PCDHGA1: variants seen among roughly 807,000 people sequenced by gnomAD.
PCDHGA1 encodes the protein protocadherin gamma subfamily A, 1.
In PCDHGA1, 32 loss-of-function variants were observed where a neutral mutation model predicts 58.0. That is an observed-to-expected ratio of 0.55 (90% CI 0.42 to 0.74). PCDHGA1 has a LOEUF of 0.74. Among genes scored for constraint, PCDHGA1 ranks in the 30% least tolerant of loss-of-function variants. The pLI is 0.00. For missense variants in PCDHGA1, 1,205 were observed against 1,182.3 expected (o/e 1.02, Z -0.28); for synonymous variants, 498 against 501.1 (o/e 0.99, Z 0.08).
At chr5:141,410,544 G>A (rs1370251538) in intron 1 of PCDHGA1, 3 of 1,613,640 alleles carry the variant, frequency 1.9e-6, no homozygotes, top group Non-Finnish European at 2.5e-6. Flanking sequence ...GACATGGTTT[G>A]CAGTGTTTCT....
intron 1 of PCDHGA1, among the ~76,000 whole-genome samples, chr5:141,380,132 T>A (rs552082658): frequency 4.4e-4 from 67 of 152,174 alleles, no homozygotes; most frequent in African/African-American, 1.6e-3. Context: ...ACTCCTGACC[T>A]TAAGTGATCC....
chr5:141,472,770 G>C (rs953423129), intron 1 of PCDHGA1, among the ~76,000 whole-genome samples: 5 of 152,046 alleles, frequency 3.3e-5, no homozygotes, highest in Admixed American at 6.6e-5. Flanking sequence ...CAGATCACCT[G>C]AGGTTGGGAG....
At chr5:141,505,536 C>T (rs749205049) in intron 3 of PCDHGA1, 55 bp downstream of exon 3, 9 of 1,610,164 alleles carry the variant, frequency 5.6e-6, no homozygotes, top group Non-Finnish European at 7.6e-6. Context: ...TTCTGGGGTG[C>T]ATCTCACAGC....
chr5:141,431,190 A>G lies in PCDHGA1; in HGVS notation c.2422-63617A>G, dbSNP rs1363655439. 1 of 1,614,228 alleles carries G rather than the reference A, an allele frequency of 6.2e-7. No homozygotes were observed. Among genetic ancestry groups the G allele is most frequent in the Non-Finnish European group, 8.5e-7 (1 of 1,180,038 alleles). ...AGTGAATTAGAAATAAAAATTAGTGAAAATGCAGCCACTGAGATGCGGTTC... is the reference window on the plus strand; with the variant it reads ...AGTGAATTAGAAATAAAAATTAGTGGAAATGCAGCCACTGAGATGCGGTTC... On this transcript the variant is annotated intron_variant, in intron 1 of 3. Transcript: ENST00000517417. This position sits in a 1 kb window ranked among gnomAD's most constrained non-coding sequence, Gnocchi z 4.8.
intron 1 of PCDHGA1, chr5:141,355,783 G>A (rs1177303699): frequency 1.2e-6 from 2 of 1,613,802 alleles, no homozygotes; most frequent in Non-Finnish European, 1.7e-6. Flanking sequence ...CCCAGAGCTG[G>A]TGCTGGAACG....
chr5:141,413,739 C>A (rs748041372), intron 1 of PCDHGA1: 1 of 1,613,424 alleles, frequency 6.2e-7, no homozygotes, highest in South Asian at 1.1e-5. Context: ...GAGTTCAGAG[C>A]CGTGCCAATG....
At chr5:141,365,711 G>A (rs750945400) in intron 1 of PCDHGA1, 34 of 1,613,386 alleles carry the variant, frequency 2.1e-5, no homozygotes, top group Non-Finnish European at 3.4e-6. Context: ...CTCCACCTCT[G>A]TCACAGAAAA....
chr5:141,369,505 GA>G (rs1379316544), intron 1 of PCDHGA1, among the ~76,000 whole-genome samples: 2 of 150,654 alleles, frequency 1.3e-5, no homozygotes, highest in Non-Finnish European at 1.5e-5. Flanking sequence ...CACCTCTATA[GA>G]AAAAAAAAGT....
At position 141,406,249 on chromosome 5, in the gene PCDHGA1, G is replaced by A. The variant is rs73279090; in HGVS notation, c.2421+73144G>A. Among the ~76,000 whole-genome samples, 1,262 of 152,022 alleles carry A rather than the reference G, an allele frequency of 8.3e-3. 17 individuals are homozygous for A. The highest frequency in any genetic ancestry group is 0.029 in the African/African-American group (1,198 of 41,452). On this transcript the variant is annotated intron_variant, in intron 1 of 3. Coordinates refer to ENST00000517417, the MANE Select transcript of PCDHGA1 (RefSeq NM_018912.3). ...CTAGCAAGCTATGTTGCCCAGACTG[G>A]TCTCAAACGATCTTCCTGCTTCAGT...
rs367914755 is a variant in PCDHGA1 at position 141,399,963 on chromosome 5, C to T, written c.2421+66858C>T. ...TGCTGCAGGCTAGCGAGCCCGGGCT[C>T]TTCAGCCTGGGGCTGCGCACAGGAG... On this transcript the variant is annotated intron_variant, in intron 1 of 3. Transcript: ENST00000517417. 793 of 1,612,310 alleles carry T rather than the reference C, an allele frequency of 4.9e-4. 4 individuals are homozygous for T. Among genetic ancestry groups the T allele is most frequent in the Non-Finnish European group, 3.8e-4 (443 of 1,179,704 alleles).
intron 1 of PCDHGA1, chr5:141,371,815 T>C (rs966835739): frequency 1.2e-6 from 2 of 1,613,738 alleles, no homozygotes; most frequent in Non-Finnish European, 1.7e-6. Context: ...ATTGCGCATG[T>C]CAGAGCCTCG....
chr5:141,456,087 C>T (rs1218579202), intron 1 of PCDHGA1, among the ~76,000 whole-genome samples: 1 of 151,886 alleles, frequency 6.6e-6, no homozygotes, highest in Non-Finnish European at 1.5e-5. Context: ...TCAGTAGAGA[C>T]GGGATTTCAC....
chr5:141,355,618 A>G (rs1759917068), intron 1 of PCDHGA1: 1 of 1,613,896 alleles, frequency 6.2e-7, no homozygotes, highest in Admixed American at 1.7e-5. Context: ...ACAGAGGGAA[A>G]TAAAAGTTGC....
intron 1 of PCDHGA1, chr5:141,405,052 C>G (rs182635391): frequency 4.3e-6 from 7 of 1,613,836 alleles, no homozygotes; most frequent in Non-Finnish European, 5.9e-6. Context: ...TGGCAGTCGT[C>G]TCCTGTGTCT....
At chr5:141,395,542 T>TTGTTTGTTTG (rs1267535064) in intron 1 of PCDHGA1, 1 of 168,708 alleles carries the variant, frequency 5.9e-6, no homozygotes, top group African/African-American at 5.7e-5. Context: ...TTGCTATTGT[T>TTGTTTGTTTG]TGTGTGTGTG....
chr5:141,477,043 G>A lies in PCDHGA1; in HGVS notation c.2422-17764G>A. The A allele has an allele frequency of 6.2e-7, 1 of 1,614,260 alleles. No individual in the cohort carries two copies. Among genetic ancestry groups the A allele is most frequent in the Middle Eastern group, 1.6e-4 (1 of 6,062 alleles). On this transcript the variant is annotated intron_variant, in intron 1 of 3. Coordinates refer to ENST00000517417, the MANE Select transcript of PCDHGA1 (RefSeq NM_018912.3). This position sits in a 1 kb window ranked among gnomAD's most constrained non-coding sequence, Gnocchi z 4.9. The stretch of plus-strand genomic sequence containing the variant: ...CCGGGATGCTGACAATCAAGGGTCG[G>A]CTGGACTTCGAGGACACCAAACTCC...
At chr5:141,386,456 G>T (rs2090582697) in intron 1 of PCDHGA1, among the ~76,000 whole-genome samples, 1 of 152,278 alleles carries the variant, frequency 6.6e-6, no homozygotes, top group East Asian at 1.9e-4. Flanking sequence ...CAAGAGGACA[G>T]CTTGAACCCA....
At chr5:141,379,835 A>G (rs898204627) in intron 1 of PCDHGA1, among the ~76,000 whole-genome samples, 9 of 143,642 alleles carry the variant, frequency 6.3e-5, no homozygotes, top group Non-Finnish European at 3.1e-5. Context: ...AAGCATCAGG[A>G]AAAAAAACTA....
At chr5:141,388,956 G>C (rs1010974359) in intron 1 of PCDHGA1, 1 of 1,613,846 alleles carries the variant, frequency 6.2e-7, no homozygotes, top group Non-Finnish European at 8.5e-7. Context: ...TATGGAGGAC[G>C]CCGAGCTGGG....
Sources: gnomAD v4.1 joint callset for allele counts (sites outside exome capture counted in the v4.1 genomes callset) on GRCh38, gnomAD v4.1.1 for gene constraint, Gnocchi (gnomAD v3.1) non-coding constraint, MANE v1.5 for transcripts, NCBI Gene and HGNC (gene_info 2026-07-23, HGNC 2026-07-21) for gene names.